The following CAMK1D variants were observed in gnomAD, a reference collection of about 807,000 sequenced individuals.
The protein encoded by CAMK1D is calcium/calmodulin-dependent protein kinase type 1D.
Under a neutral mutation model 47.7 loss-of-function variants are expected in CAMK1D, and 9 were observed. That is an observed-to-expected ratio of 0.19 (90% CI 0.11 to 0.33). CAMK1D has a LOEUF of 0.33. CAMK1D is among the 10% of genes least tolerant of loss of function. CAMK1D has a pLI of 1.00. For synonymous variants in CAMK1D, 184 were observed against 184.9 expected, an observed-to-expected ratio of 0.99 and a Z score of 0.04; for missense variants, 291 against 488.7, an observed-to-expected ratio of 0.60 and a Z score of 3.81.
At chr10:12,490,659 A>G (rs910663617) in intron 1 of CAMK1D, among the ~76,000 whole-genome samples, 1 of 152,200 alleles carries the variant, frequency 6.6e-6, no homozygotes, top group Non-Finnish European at 1.5e-5. Context: ...CAGCCTGGCC[A>G]ATATGGTGAA....
chr10:12,445,848 G>C (rs1372942376), intron 1 of CAMK1D, among the ~76,000 whole-genome samples: 1 of 152,186 alleles, frequency 6.6e-6, no homozygotes, highest in Admixed American at 6.5e-5. Context: ...TTGAAAGTCA[G>C]TTCAGAGGTG....
chr10:12,432,079 G>A (rs1362200965), intron 1 of CAMK1D, among the ~76,000 whole-genome samples: 1 of 152,266 alleles, frequency 6.6e-6, no homozygotes, highest in East Asian at 1.9e-4. Context: ...CAGAGGAGCA[G>A]TGATTTCCAG....
chr10:12,640,848 T>C (rs1431532445), intron 2 of CAMK1D, among the ~76,000 whole-genome samples: 1 of 152,200 alleles, frequency 6.6e-6, no homozygotes, highest in East Asian at 1.9e-4. Context: ...AGGAAAAACA[T>C]TGGGAATCTC....
At chr10:12,420,599 C>T (rs1256792315) in intron 1 of CAMK1D, among the ~76,000 whole-genome samples, 2 of 151,900 alleles carry the variant, frequency 1.3e-5, no homozygotes, top group Admixed American at 6.6e-5. Context: ...GGAATGTGCC[C>T]CCAAACTACT....
intron 1 of CAMK1D, among the ~76,000 whole-genome samples, chr10:12,493,444 T>C (rs1357143192): frequency 6.6e-6 from 1 of 152,166 alleles, no homozygotes; most frequent in Non-Finnish European, 1.5e-5. Context: ...GTGCATCTTC[T>C]CACAAGAAAA....
At chr10:12,489,216 G>T (rs1834305856) in intron 1 of CAMK1D, among the ~76,000 whole-genome samples, 1 of 152,206 alleles carries the variant, frequency 6.6e-6, no homozygotes, top group South Asian at 2.1e-4. Flanking sequence ...GAGATTACAG[G>T]CGTGAGCCAC....
At chr10:12,648,975 C>T (rs959395722) in intron 2 of CAMK1D, among the ~76,000 whole-genome samples, 4 of 152,150 alleles carry the variant, frequency 2.6e-5, no homozygotes, top group African/African-American at 9.7e-5. Flanking sequence ...TCAAGTCATC[C>T]ACCGCCTCAG....
At chr10:12,451,623 C>T (rs1364690419) in intron 1 of CAMK1D, among the ~76,000 whole-genome samples, 1 of 152,226 alleles carries the variant, frequency 6.6e-6, no homozygotes, top group Admixed American at 6.5e-5. Flanking sequence ...AATTGTCATT[C>T]ATATACATGA....
chr10:12,610,753 C>T (rs1423807818), intron 2 of CAMK1D, among the ~76,000 whole-genome samples: 1 of 152,168 alleles, frequency 6.6e-6, no homozygotes, highest in African/African-American at 2.4e-5. Flanking sequence ...CTTAATCTGG[C>T]CTCTCAAGTA....
chr10:12,680,849 C>T (rs571140501), intron 3 of CAMK1D, among the ~76,000 whole-genome samples: 1 of 149,808 alleles, frequency 6.7e-6, no homozygotes, highest in South Asian at 2.1e-4. Context: ...GGCACCACTT[C>T]ATTCCAGCCT....
rs1034760924 is a variant in CAMK1D at position 12,672,133 on chromosome 10, T to A, written c.299+5323T>A. 2.0e-5 allele frequency among the ~76,000 whole-genome samples: 3 copies of A among 151,778 alleles called. No homozygotes were observed. In the South Asian group the frequency reaches 6.2e-4, roughly 32 times the overall value. On this transcript the variant is annotated intron_variant, in intron 3 of 10. Transcript: ENST00000619168. ...GGTTTCACCATGTTGGCCAGGATGGTCTTGATCTCCTGACCTCGTGATCTG... is the reference window on the plus strand; with the variant it reads ...GGTTTCACCATGTTGGCCAGGATGGACTTGATCTCCTGACCTCGTGATCTG...
chr10:12,548,176 C>T (rs4747989), intron 1 of CAMK1D, among the ~76,000 whole-genome samples: 22,080 of 152,086 alleles, frequency 0.15, 2,187 homozygotes, highest in East Asian at 0.3. Context: ...ATGACAGTAA[C>T]TTCTTGTCTG....
At chr10:12,714,877 G>A (rs900667800) in intron 3 of CAMK1D, among the ~76,000 whole-genome samples, 3 of 150,796 alleles carry the variant, frequency 2.0e-5, no homozygotes, top group Non-Finnish European at 4.4e-5. Context: ...TATTTATGGG[G>A]TATATGTGAT....
chr10:12,448,196 T>C (rs1832977921), intron 1 of CAMK1D, among the ~76,000 whole-genome samples: 1 of 151,756 alleles, frequency 6.6e-6, no homozygotes, highest in Admixed American at 6.6e-5. Context: ...TTTTTACTTA[T>C]TTTTATTTAT....
intron 2 of CAMK1D, chr10:12,653,324 T>A (rs1391687242): frequency 1.3e-5 from 2 of 152,616 alleles, no homozygotes; most frequent in Non-Finnish European, 2.9e-5. Context: ...TCAGTGTGAG[T>A]TTTGGAGGAA....
chr10:12,493,702 C>T (rs1182922418), intron 1 of CAMK1D, among the ~76,000 whole-genome samples: 1 of 152,122 alleles, frequency 6.6e-6, no homozygotes, highest in African/African-American at 2.4e-5. Flanking sequence ...CTATGTTGGC[C>T]AGGCTGGTCT....
intron 2 of CAMK1D, among the ~76,000 whole-genome samples, chr10:12,568,095 G>GCCTGC (rs1451903421): frequency 7.4e-5 from 11 of 149,210 alleles, no homozygotes; most frequent in East Asian, 2.0e-4. Context: ...CACCTTGCCT[G>GCCTGC]CCTGTCTGCT....
intron 1 of CAMK1D, among the ~76,000 whole-genome samples, chr10:12,350,998 T>C (rs907571022): frequency 3.5e-4 from 53 of 152,278 alleles, no homozygotes; most frequent in African/African-American, 1.3e-3. Context: ...TCCTTCCTCC[T>C]TTTTTTCCGT....
chr10:12,662,720 C>T (rs969985325), intron 2 of CAMK1D, among the ~76,000 whole-genome samples: 2 of 151,904 alleles, frequency 1.3e-5, no homozygotes, highest in Non-Finnish European at 2.9e-5. Flanking sequence ...TTAATTGGCC[C>T]TAAACTGGAT....
Sources: gnomAD v4.1 joint callset for allele counts (sites outside exome capture counted in the v4.1 genomes callset) on GRCh38, gnomAD v4.1.1 for gene constraint, MANE v1.5 for transcripts, NCBI Gene and HGNC (gene_info 2026-07-23, HGNC 2026-07-21) for gene names.